Variants in OR2A7 observed in about 807,000 individuals in gnomAD.
OR2A7 encodes the protein olfactory receptor 2A7.
For synonymous variants in OR2A7, 10 were observed against 147.1 expected (o/e 0.07, Z 6.74); for missense variants, 35 against 359.2 (o/e 0.10, Z 7.30).
intron 1 of OR2A7, among the ~76,000 whole-genome samples, chr7:144,260,111 GA>G (rs1162605720): frequency 0.53 from 46,046 of 87,506 alleles, 6,705 homozygotes; most frequent in East Asian, 0.66. Flanking sequence ...TCTGTCTCCA[GA>G]AAAAAAAAAA....
At chr7:144,262,116 A>C (rs2052655047) in intron 1 of OR2A7, among the ~76,000 whole-genome samples, 1 of 151,640 alleles carries the variant, frequency 6.6e-6, no homozygotes, top group Non-Finnish European at 1.5e-5. Context: ...CACTTGCACC[A>C]GCATGATTTC....
Position 144,260,247 on chromosome 7 carries a change from G to T in OR2A7, c.-4-615C>A, listed in dbSNP as rs541824550. 2.1e-4 allele frequency among the ~76,000 whole-genome samples: 30 copies of T among 142,702 alleles called. No homozygotes were observed. The South Asian group carries it at 5.3e-3, about 25-fold the overall frequency. The allele number at this position is 142,702 out of a possible 152,430, so 93.6% of individuals were successfully genotyped here. Reference sequence around the variant, plus strand: ...TGTCACATATTAATATATCCTTTTGGTCTTTTTTTAAAAAAAATTTGGCTC... The same window carrying T: ...TGTCACATATTAATATATCCTTTTGTTCTTTTTTTAAAAAAAATTTGGCTC... On this transcript the variant is annotated intron_variant, in intron 1 of 1. Transcript: ENST00000641841.
At chr7:144,260,828 A>G (rs1778933062) in intron 1 of OR2A7, among the ~76,000 whole-genome samples, 1 of 150,490 alleles carries the variant, frequency 6.6e-6, no homozygotes, top group African/African-American at 2.4e-5. Context: ...TTGTCTATGC[A>G]GGTGATTGGC....
rs368758668 is a variant in OR2A7, at chr7:144,259,402, G to A, written c.227C>T (p.Thr76Met). The change falls in exon 2 of 2, where the codon ACG becomes ATG. Residue 76 changes from threonine (T) to methionine (M), a missense_variant. Coordinates refer to ENST00000641841, the MANE Select transcript of OR2A7 (RefSeq NM_001005328.2). ...AVVDIAYACN[T>M]VPRMLVNLLH... ...GAGGTTCACCAGCATCCGGGGCACC[G>A]TGTTGCAGGCGTAGGCGATGTCGAC... 1,228 of 1,337,064 alleles carry A rather than the reference G, an allele frequency of 9.2e-4. No homozygotes were observed. The highest frequency in any genetic ancestry group is 1.2e-3 in the Non-Finnish European group (1,136 of 949,196). The allele number at this position is 1,337,064 out of a possible 1,614,324, so 82.8% of individuals were successfully genotyped here.
rs1384844694 is a variant in OR2A7, at chr7:144,258,873, G to T, written c.756C>A (p.Gly252=). 2 of 1,613,724 alleles carry T rather than the reference G, an allele frequency of 1.2e-6. No individual in the cohort carries two copies. The highest frequency in any genetic ancestry group is 2.2e-5 in the South Asian group (2 of 91,060). Residue 252 remains glycine, a synonymous_variant, in exon 2 of 2, where the codon GGC becomes GGA. Transcript: ENST00000641841. Reference sequence around the variant, plus strand: ...GTCCAACATACATGATAATGGCTGTGCCATAAAAGAGTCCAATCACACAGA... The same window carrying T: ...GTCCAACATACATGATAATGGCTGTTCCATAAAAGAGTCCAATCACACAGA... ...SHLCVIGLFY[G]TAIIMYVGPR... is the part of the protein sequence containing the mutation.
intron 1 of OR2A7, among the ~76,000 whole-genome samples, chr7:144,264,082 A>G (rs1338662986): frequency 6.7e-6 from 1 of 148,236 alleles, no homozygotes; most frequent in African/African-American, 2.5e-5. Flanking sequence ...GGGGGTGAAA[A>G]AATCATATTG....
chr7:144,264,229 A>G (rs1373648115), intron 1 of OR2A7, among the ~76,000 whole-genome samples: 1 of 152,034 alleles, frequency 6.6e-6, no homozygotes, highest in Non-Finnish European at 1.5e-5. Context: ...CTATGCATTT[A>G]CTACACTCTA....
At chr7:144,262,481 T>C (rs548927018) in intron 1 of OR2A7, among the ~76,000 whole-genome samples, 6 of 110,794 alleles carry the variant, frequency 5.4e-5, no homozygotes, top group South Asian at 3.5e-4. Flanking sequence ...TCTTTTAGTG[T>C]AGTCTGCTTT....
chr7:144,260,111 G>GAAAAA (rs1162605720), intron 1 of OR2A7, among the ~76,000 whole-genome samples: 251 of 87,424 alleles, frequency 2.9e-3, no homozygotes, highest in East Asian at 3.6e-3. Flanking sequence ...TCTGTCTCCA[G>GAAAAA]AAAAAAAAAA....
At chr7:144,260,153 A>ATGCC (rs2128825647) in intron 1 of OR2A7, among the ~76,000 whole-genome samples, 1 of 139,572 alleles carries the variant, frequency 7.2e-6, no homozygotes, top group Non-Finnish European at 1.6e-5. Context: ...AAACGCATGC[A>ATGCC]CACGTATACA....
Position 144,259,060 on chromosome 7 carries a change from T to C in OR2A7, c.569A>G (p.Asp190Gly), listed in dbSNP as rs759649844. 2 of 1,575,382 alleles carry C rather than the reference T, an allele frequency of 1.3e-6. No homozygotes were observed. Among genetic ancestry groups the C allele is most frequent in the East Asian group, 4.5e-5 (2 of 44,422 alleles). ...ILAVLKLACADTHINENMVLA... is the reference protein window; with the variant it reads ...ILAVLKLACAGTHINENMVLA... ...GACCATGTTCTCATTGATGTGGGTA[T>C]CTGCACAGGCAAGTTTGAGAACAGC... Residue 190 changes from aspartate (D) to glycine (G), a missense_variant, in exon 2 of 2, where the codon GAT (aspartate) becomes GGT (glycine). Coordinates refer to ENST00000641841, the MANE Select transcript of OR2A7 (RefSeq NM_001005328.2).
At chr7:144,262,136 A>G (rs2052655287) in intron 1 of OR2A7, among the ~76,000 whole-genome samples, 1 of 151,842 alleles carries the variant, frequency 6.6e-6, no homozygotes, top group Non-Finnish European at 1.5e-5. Context: ...CCATAGAGAC[A>G]TGAAGAACCC....
intron 1 of OR2A7, among the ~76,000 whole-genome samples, chr7:144,261,779 G>A (rs2052651539): frequency 6.6e-6 from 1 of 151,856 alleles, no homozygotes; most frequent in African/African-American, 2.4e-5. Flanking sequence ...ATATTAAAGT[G>A]TGACGGTAAA....
intron 1 of OR2A7, among the ~76,000 whole-genome samples, chr7:144,261,470 T>C (rs2052646340): frequency 6.6e-6 from 1 of 151,472 alleles, no homozygotes; most frequent in Non-Finnish European, 1.5e-5. Context: ...ACCTCATCTC[T>C]TTTAAAAAAT....
chr7:144,260,111 G>GAAAAAAAAAAAAAAAAAATAAAAAAAAA, intron 1 of OR2A7, among the ~76,000 whole-genome samples: 1 of 87,658 alleles, frequency 1.1e-5, no homozygotes, highest in Non-Finnish European at 2.3e-5. Context: ...TCTGTCTCCA[G>GAAAAAAAAAAAAAAAAAATAAAAAAAAA]AAAAAAAAAA....
In OR2A7 at chr7:144,257,914, AT is replaced by A. The variant is rs1301313339; in HGVS notation, c.*781del. ...TGAAGCTTCTATAGCAGGAATGCCG[AT>A]CCATGATGAAGGACAGGATTGCATT... On this transcript the variant is annotated 3_prime_UTR_variant, in exon 2 of 2. Transcript: ENST00000641841. 1 of 143,928 alleles carries A rather than the reference AT, an allele frequency of 6.9e-6. No homozygotes were observed. Among genetic ancestry groups the A allele is most frequent in the African/African-American group, 2.6e-5 (1 of 38,700 alleles). The allele number at this position is 143,928 out of a possible 1,614,324, so 8.9% of individuals were successfully genotyped here. A position where few individuals can be genotyped will look rare whatever the true frequency, so the allele number is the denominator to read the frequency against.
chr7:144,260,155 A>C (rs1275824506), intron 1 of OR2A7, among the ~76,000 whole-genome samples: 2 of 130,468 alleles, frequency 1.5e-5, no homozygotes, highest in Non-Finnish European at 3.4e-5. Context: ...ACGCATGCAC[A>C]CGTATACATA....
chr7:144,257,730 AT>A lies in OR2A7; in HGVS notation c.*965del, dbSNP rs2052578010. ...GTGGTGGATTTTGAAATCTTTCTAG[AT>A]TTTTCTTTCTTGAGAAATCTGGGTT... On this transcript the variant is annotated 3_prime_UTR_variant, in exon 2 of 2. Coordinates refer to ENST00000641841, the MANE Select transcript of OR2A7 (RefSeq NM_001005328.2). The A allele has an allele frequency of 6.8e-6, 1 of 146,758 alleles. No homozygotes were observed. Among genetic ancestry groups the A allele is most frequent in the African/African-American group, 2.5e-5 (1 of 39,760 alleles). 9.1% of individuals were successfully genotyped at this position (146,758 alleles called of 1,614,324 possible). A position where few individuals can be genotyped will look rare whatever the true frequency, so the allele number is the denominator to read the frequency against.
intron 1 of OR2A7, among the ~76,000 whole-genome samples, chr7:144,261,906 T>C (rs2052652618): frequency 6.6e-6 from 1 of 151,980 alleles, no homozygotes; most frequent in African/African-American, 2.4e-5. Flanking sequence ...AATCTTCATA[T>C]AGAAAAGGCA....
Sources: allele counts gnomAD v4.1 joint callset (sites outside exome capture counted in the v4.1 genomes callset), GRCh38; gene constraint gnomAD v4.1.1; transcripts MANE v1.5; gene names NCBI Gene and HGNC (gene_info 2026-07-23, HGNC 2026-07-21).